HYAL4: variants seen among roughly 807,000 people sequenced by gnomAD.
HYAL4 encodes hyaluronidase 4, also known as hyaluronidase-4.
A neutral mutation model predicts 35.2 loss-of-function variants in HYAL4; 37 were observed. The observed-to-expected ratio is 1.05, with a 90% confidence interval of 0.81 to 1.38. HYAL4 has a LOEUF of 1.38. Among genes scored for constraint, HYAL4 ranks in the 40% most tolerant of loss-of-function variants. The pLI is 0.00. For missense variants in HYAL4, 572 were observed against 572.4 expected, an observed-to-expected ratio of 1.00 and a Z score of 0.01; for synonymous variants, 198 against 203.2, an observed-to-expected ratio of 0.97 and a Z score of 0.22.
intron 2 of HYAL4, among the ~76,000 whole-genome samples, chr7:123,867,197 T>G (rs1230471608): frequency 6.6e-6 from 1 of 152,142 alleles, no homozygotes; most frequent in Non-Finnish European, 1.5e-5. Context: ...TCAAGGAGTA[T>G]TGCTGGGGAA....
chr7:123,872,355 C>G (rs1806905033), intron 3 of HYAL4, among the ~76,000 whole-genome samples: 2 of 152,194 alleles, frequency 1.3e-5, no homozygotes, highest in South Asian at 4.1e-4. Context: ...GTTTCCTTGC[C>G]TATAGATTTA....
chr7:123,850,104 T>G (rs551573559), intron 2 of HYAL4, among the ~76,000 whole-genome samples: 2 of 152,380 alleles, frequency 1.3e-5, no homozygotes, highest in African/African-American at 2.4e-5. Context: ...TTGAGATACT[T>G]ATTGTACTGA....
chr7:123,823,706 TTATATATATACACATATATATTTTA>T, the HYAL4 span, among the ~76,000 whole-genome samples: 3 of 140,914 alleles, frequency 2.1e-5, no homozygotes, highest in African/African-American at 8.2e-5. Context: ...ACATATATAT[TTATATATATACACATATATATTTTA>T]TATATATATA....
At position 123,869,193 on chromosome 7, in the gene HYAL4, G is replaced by A. The variant is rs758218890; in HGVS notation, c.920G>A (p.Gly307Glu). Residue 307 changes from glycine (G) to glutamate (E), a missense_variant, in exon 3 of 5, where the codon GGG becomes GAG. Transcript: ENST00000223026. ...CCTGTATTTGTCTACACAAGGCTAG[G>A]GTACAGAGATGAACCTTTATTTTTC... ...ALPVFVYTRL[G>E]YRDEPLFFLS... 6.2e-7 allele frequency: 1 copy of A among 1,611,508 alleles called. No individual in the cohort carries two copies. Among genetic ancestry groups the A allele is most frequent in the Non-Finnish European group, 8.5e-7 (1 of 1,178,840 alleles).
intron 2 of HYAL4, among the ~76,000 whole-genome samples, chr7:123,854,364 T>A (rs1379681921): frequency 6.6e-6 from 1 of 152,246 alleles, no homozygotes; most frequent in Admixed American, 6.5e-5. Context: ...CATTTAGTGC[T>A]ATAAATTTCC....
At chr7:123,799,595 C>T in the HYAL4 span, among the ~76,000 whole-genome samples, 1 of 151,070 alleles carries the variant, frequency 6.6e-6, no homozygotes, top group Admixed American at 6.6e-5. Flanking sequence ...TCAAGACCAG[C>T]CTGGGCAACA....
chr7:123,857,677 C>CTTTG (rs1400897639), intron 2 of HYAL4, among the ~76,000 whole-genome samples: 915 of 78,880 alleles, frequency 0.012, 17 homozygotes, highest in African/African-American at 0.025. Flanking sequence ...TTGTTTCTTT[C>CTTTG]TTTCTTTCTT....
intron 1 of HYAL4, among the ~76,000 whole-genome samples, chr7:123,836,125 T>G (rs973137355): frequency 1.3e-5 from 2 of 152,216 alleles, no homozygotes; most frequent in East Asian, 1.9e-4. Flanking sequence ...ATCCACTGTT[T>G]CTTTGTTGAC....
the HYAL4 span, among the ~76,000 whole-genome samples, chr7:123,808,780 G>C: frequency 6.6e-6 from 1 of 152,056 alleles, no homozygotes; most frequent in African/African-American, 2.4e-5. Flanking sequence ...CCACAATCAA[G>C]GTCCCAATAG....
At chr7:123,817,416 G>A in the HYAL4 span, among the ~76,000 whole-genome samples, 1 of 151,836 alleles carries the variant, frequency 6.6e-6, no homozygotes, top group Non-Finnish European at 1.5e-5. Flanking sequence ...CCTTTGTTGA[G>A]GCATCATCAT....
chr7:123,815,386 C>T, the HYAL4 span, among the ~76,000 whole-genome samples: 1 of 152,136 alleles, frequency 6.6e-6, no homozygotes, highest in African/African-American at 2.4e-5. Flanking sequence ...CAGCAATTTT[C>T]CAAATCAAAA....
chr7:123,866,126 A>G (rs1806681749), intron 2 of HYAL4, among the ~76,000 whole-genome samples: 1 of 152,200 alleles, frequency 6.6e-6, no homozygotes, highest in Non-Finnish European at 1.5e-5. Flanking sequence ...GGCTGGAGAC[A>G]CAGCCAAACC....
intron 3 of HYAL4, among the ~76,000 whole-genome samples, chr7:123,873,465 A>AAT (rs1806936745): frequency 6.6e-6 from 1 of 151,902 alleles, no homozygotes; most frequent in Non-Finnish European, 1.5e-5. Flanking sequence ...GTTAGACAAT[A>AAT]AAAGTGTCAG....
At chr7:123,805,724 CTAAT>C in the HYAL4 span, among the ~76,000 whole-genome samples, 4 of 152,086 alleles carry the variant, frequency 2.6e-5, no homozygotes, top group African/African-American at 9.7e-5. Context: ...ATCCACTGTA[CTAAT>C]TGTTACATTA....
chr7:123,788,358 T>A, the HYAL4 span, among the ~76,000 whole-genome samples: 3 of 152,234 alleles, frequency 2.0e-5, no homozygotes, highest in African/African-American at 7.2e-5. Context: ...TTAGAAACTT[T>A]TAGATGCATT....
At chr7:123,790,645 C>T in the HYAL4 span, 4 of 145,602 alleles carry the variant, frequency 2.7e-5, no homozygotes, top group South Asian at 6.4e-4. Flanking sequence ...GTCATCCTTG[C>T]GCAGGGGCCA....
intron 3 of HYAL4, 40 bp downstream of exon 3, chr7:123,869,267 T>A: frequency 7.7e-7 from 1 of 1,306,000 alleles, no homozygotes; most frequent in Non-Finnish European, 1.1e-6. Context: ...ATTTCCTCCT[T>A]ATCTCTAAAA....
the HYAL4 span, among the ~76,000 whole-genome samples, chr7:123,764,061 A>C: frequency 6.6e-6 from 1 of 152,166 alleles, no homozygotes; most frequent in Non-Finnish European, 1.5e-5. Flanking sequence ...TGGCTCATGC[A>C]GCCTTGAACT....
intron 1 of HYAL4, among the ~76,000 whole-genome samples, chr7:123,831,442 T>A (rs1263705158): frequency 1.3e-5 from 2 of 152,188 alleles, no homozygotes; most frequent in Admixed American, 6.5e-5. Context: ...CGGAGAACTC[T>A]TTTTTGTGTG....
Sources: allele counts gnomAD v4.1 joint callset (sites outside exome capture counted in the v4.1 genomes callset), GRCh38; gene constraint gnomAD v4.1.1; transcripts MANE v1.5; gene names NCBI Gene and HGNC (gene_info 2026-07-23, HGNC 2026-07-21).